The following ZNF541 variants were observed in gnomAD, a reference collection of about 807,000 sequenced individuals.
ZNF541 encodes zinc finger protein 541.
A neutral mutation model predicts 123.5 loss-of-function variants in ZNF541; 23 were observed. The ratio of observed to expected loss-of-function variants is 0.19; its 90% confidence interval spans 0.13 to 0.26. The LOEUF (loss-of-function observed/expected upper bound fraction) is 0.26. Ranked by LOEUF, ZNF541 falls within the 10% of genes least tolerant of loss-of-function variation. The pLI, the probability that ZNF541 is intolerant of heterozygous loss-of-function variation, is 1.00. For missense variants in ZNF541, 1,612 were observed against 1,789.9 expected (o/e 0.90, Z 1.79); for synonymous variants, 751 against 754.5 (o/e 1.00, Z 0.08).
intron 14 of ZNF541, among the ~76,000 whole-genome samples, chr19:47,524,451 A>G (rs987423012): frequency 3.9e-5 from 6 of 152,146 alleles, no homozygotes; most frequent in African/African-American, 1.4e-4. Context: ...CTCACTTGAA[A>G]TCCCAGCACT....
chr19:47,531,237 G>A lies in ZNF541; in HGVS notation c.3405+405C>T, dbSNP rs12972906. Among the ~76,000 whole-genome samples the A allele has an allele frequency of 4.6e-4, 24 of 52,076 alleles. 1 individual carries two copies. Among genetic ancestry groups the A allele is most frequent in the Admixed American group, 2.5e-3 (11 of 4,314 alleles). The allele number at this position is 52,076 out of a possible 152,430, so 34.2% of individuals were successfully genotyped here. Reference sequence around the variant, plus strand: ...CTAACACCCAGAATTGTGAGCGGGGGGGGGGGGGGGGGTCCTTGGAGTAGG... The same window carrying A: ...CTAACACCCAGAATTGTGAGCGGGGAGGGGGGGGGGGGTCCTTGGAGTAGG... On this transcript the variant is annotated intron_variant, in intron 12 of 16. Coordinates refer to ENST00000391901, the MANE Select transcript of ZNF541 (RefSeq NM_001277075.3).
rs1438298320 is a variant in ZNF541, at chr19:47,532,901, C to T, written c.3158+8G>A. On this transcript the variant is annotated splice_region_variant and intron_variant, in intron 10 of 16. Transcript: ENST00000391901. The stretch of plus-strand genomic sequence containing the variant: ...AAAAGCAGCTTCACTGGAAAGGACC[C>T]AACTTACGGCTCAATGCTGATTTTG... 6.5e-7 allele frequency: 1 copy of T among 1,549,472 alleles called. No homozygotes were observed. The highest frequency in any genetic ancestry group is 8.7e-7 in the Non-Finnish European group (1 of 1,145,936).
chr19:47,537,245 C>T (rs1287813074), intron 9 of ZNF541, among the ~76,000 whole-genome samples: 1 of 152,086 alleles, frequency 6.6e-6, no homozygotes, highest in Non-Finnish European at 1.5e-5. Context: ...ATGTGAAGTA[C>T]AGCTCAATAA....
intron 14 of ZNF541, among the ~76,000 whole-genome samples, chr19:47,524,874 G>C (rs897616452): frequency 5.3e-5 from 8 of 152,062 alleles, no homozygotes; most frequent in Admixed American, 3.3e-4. Flanking sequence ...TGAGATCCTA[G>C]ATCTTAAAAG....
chr19:47,530,354 T>G (rs1046623343), intron 12 of ZNF541, among the ~76,000 whole-genome samples: 2 of 139,534 alleles, frequency 1.4e-5, no homozygotes, highest in African/African-American at 5.7e-5. Context: ...TTTTTTTTTT[T>G]TGTATTTTTA....
rs759279382 is a variant in ZNF541 at position 47,545,591 on chromosome 19, G to A, written c.938C>T (p.Ser313Leu). 6.2e-5 allele frequency: 96 copies of A among 1,548,632 alleles called. No homozygotes were observed. In the South Asian group the frequency reaches 1.1e-3, roughly 17 times the overall value. The change falls in exon 5 of 17, where the codon TCG (serine) becomes TTG (leucine). Residue 313 changes from serine to leucine, a missense_variant. Ser to Leu is a moderately radical substitution (Grantham distance 145). Coordinates refer to ENST00000391901, the MANE Select transcript of ZNF541 (RefSeq NM_001277075.3). The surrounding 1 kb of genome is among the most constrained non-coding windows in gnomAD (Gnocchi z 7.5). ...RNTACPCPAS[S>L]GSSSCTPAGP... Reference sequence around the variant, plus strand: ...GGCTGGGGTGCAGGACGAGGACCCCGATGAGGCGGGGCAGGGACAGGCAGT... The same window carrying A: ...GGCTGGGGTGCAGGACGAGGACCCCAATGAGGCGGGGCAGGGACAGGCAGT...
At position 47,521,416 on chromosome 19, in the gene ZNF541, G is replaced by C. The variant is rs1236678309; in HGVS notation, c.3888-39C>G. ...AGAGGACATGGGGTCAGAGCAGGGA[G>C]GAAGGGATCACAGGGGCTGAGGCTG... On this transcript the variant is annotated intron_variant, in intron 16 of 16. Coordinates refer to ENST00000391901, the MANE Select transcript of ZNF541 (RefSeq NM_001277075.3). The surrounding 1 kb of genome is among the most constrained non-coding windows in gnomAD (Gnocchi z 4.2). 6 of 1,550,816 alleles carry C rather than the reference G, an allele frequency of 3.9e-6. No individual in the cohort carries two copies. Among genetic ancestry groups the C allele is most frequent in the Non-Finnish European group, 5.2e-6 (6 of 1,146,248 alleles).
At chr19:47,558,309 G>C (rs71363755) in intron 2 of ZNF541, among the ~76,000 whole-genome samples, 4 of 151,684 alleles carry the variant, frequency 2.6e-5, no homozygotes, top group Admixed American at 2.6e-4. Flanking sequence ...CCAGCTACTC[G>C]GGAGGCTGAG....
intron 3 of ZNF541, among the ~76,000 whole-genome samples, chr19:47,554,084 T>C (rs992886470): frequency 6.6e-6 from 1 of 152,166 alleles, no homozygotes; most frequent in Non-Finnish European, 1.5e-5. Flanking sequence ...TGGAATTATA[T>C]ACTTAATATT....
intron 2 of ZNF541, among the ~76,000 whole-genome samples, chr19:47,559,068 C>T (rs1485605490): frequency 6.6e-6 from 1 of 150,526 alleles, no homozygotes; most frequent in Non-Finnish European, 1.5e-5. Flanking sequence ...CTGAATAGAC[C>T]TATGAGAAAT....
In ZNF541 at chr19:47,555,579, G is replaced by A. The variant is rs1050501381; in HGVS notation, c.278C>T (p.Ala93Val). ...SDSVKLLEEYADSESQASLQD... is the reference protein window; with the variant it reads ...SDSVKLLEEYVDSESQASLQD... The stretch of plus-strand genomic sequence containing the variant: ...TAAGGATGCCTGAGACTCCGAATCT[G>A]CGTACTCCTCCAGCAGCTTCACAGA... The change falls in exon 3 of 17, where the codon GCA becomes GTA. Residue 93 changes from alanine to valine, a missense_variant. Transcript: ENST00000391901. The A allele has an allele frequency of 9.0e-6, 14 of 1,549,308 alleles. No homozygotes were observed. The African/African-American group carries it at 1.9e-4, about 21-fold the overall frequency.
At chr19:47,555,514 T>C in intron 3 of ZNF541, 36 bp downstream of exon 3, 2 of 1,489,996 alleles carry the variant, frequency 1.3e-6, no homozygotes, top group Non-Finnish European at 1.8e-6. Flanking sequence ...CTGTCGAACA[T>C]CCTGCAGGGC....
intron 2 of ZNF541, among the ~76,000 whole-genome samples, chr19:47,558,411 A>G (rs947819484): frequency 2.0e-5 from 3 of 151,802 alleles, no homozygotes; most frequent in Admixed American, 6.6e-5. Flanking sequence ...GCGAGACTCC[A>G]TCTCAAAAAA....
At position 47,570,438 on chromosome 19, in the gene ZNF541, A is replaced by T. The variant is rs1360446505; in HGVS notation, c.-99+1458T>A. Reference sequence around the variant, plus strand: ...CTAAAAATACAAAAATTAGCCGGGCATGGTGGTGGGCACCTGTAATCCCAG... The same window carrying T: ...CTAAAAATACAAAAATTAGCCGGGCTTGGTGGTGGGCACCTGTAATCCCAG... On this transcript the variant is annotated intron_variant, in intron 2 of 16. Transcript: ENST00000391901. 2.0e-5 allele frequency among the ~76,000 whole-genome samples: 3 copies of T among 150,088 alleles called. No homozygotes were observed. In the East Asian group the frequency reaches 6.0e-4, roughly 30 times the overall value.
intron 14 of ZNF541, among the ~76,000 whole-genome samples, chr19:47,523,339 TAAAAAAA>T (rs75366644): frequency 5.2e-4 from 55 of 105,726 alleles, no homozygotes; most frequent in Admixed American, 8.1e-4. Flanking sequence ...GCGTCTCTTT[TAAAAAAA>T]AAAAAAAAAA....
intron 14 of ZNF541, among the ~76,000 whole-genome samples, chr19:47,528,463 C>T (rs537749067): frequency 6.6e-6 from 1 of 151,704 alleles, no homozygotes; most frequent in Admixed American, 6.6e-5. Flanking sequence ...ATTACAGGCA[C>T]TCACCACCAT....
At chr19:47,566,629 C>A (rs977815263) in intron 2 of ZNF541, among the ~76,000 whole-genome samples, 2 of 152,028 alleles carry the variant, frequency 1.3e-5, no homozygotes, top group Non-Finnish European at 2.9e-5. Flanking sequence ...ACCTGTAGTA[C>A]CAGCTACTCA....
chr19:47,540,584 T>C (rs772611002), intron 6 of ZNF541, among the ~76,000 whole-genome samples: 1 of 151,954 alleles, frequency 6.6e-6, no homozygotes, highest in Non-Finnish European at 1.5e-5. Context: ...AGATTACAGG[T>C]GTGTGCCAAT....
chr19:47,521,847 C>T lies in ZNF541; in HGVS notation c.3711+7G>A. 6.4e-7 allele frequency: 1 copy of T among 1,551,328 alleles called. No homozygotes were observed. Among genetic ancestry groups the T allele is most frequent in the South Asian group, 1.2e-5 (1 of 84,046 alleles). On this transcript the variant is annotated splice_region_variant and intron_variant, in intron 15 of 16. Coordinates refer to ENST00000391901, the MANE Select transcript of ZNF541 (RefSeq NM_001277075.3). The surrounding 1 kb of genome is among the most constrained non-coding windows in gnomAD (Gnocchi z 4.2). Reference sequence around the variant, plus strand: ...AAGAGCTCCCGACACAGCCCTGGTTCCTCTACCTTTTCCTCTGTCCTTTCC... The same window carrying T: ...AAGAGCTCCCGACACAGCCCTGGTTTCTCTACCTTTTCCTCTGTCCTTTCC...
Sources: allele counts gnomAD v4.1 joint callset (sites outside exome capture counted in the v4.1 genomes callset), GRCh38; gene constraint gnomAD v4.1.1; non-coding constraint Gnocchi (gnomAD v3.1); transcripts MANE v1.5; gene names NCBI Gene and HGNC (gene_info 2026-07-23, HGNC 2026-07-21).